The following ABCA10 variants were observed in gnomAD, a reference collection of about 807,000 sequenced individuals.
ABCA10 encodes ATP-binding cassette sub-family A member 10.
A neutral mutation model predicts 187.5 loss-of-function variants in ABCA10; 169 were observed. That is an observed-to-expected ratio of 0.90 (90% CI 0.80 to 1.02). The LOEUF (loss-of-function observed/expected upper bound fraction) is 1.02. ABCA10 is among the 50% of genes least tolerant of loss of function. The pLI is 0.00. For missense variants in ABCA10, 1,727 were observed against 1,812.4 expected (o/e 0.95, Z 0.86); for synonymous variants, 574 against 601.8 (o/e 0.95, Z 0.68).
chr17:69,219,713 T>G lies in ABCA10; in HGVS notation c.362A>C (p.Lys121Thr), dbSNP rs776870907. Residue 121 changes from lysine (K) to threonine (T), a missense_variant, in exon 6 of 39, where the codon AAG becomes ACG. Transcript: ENST00000690296. ...ELTSVIGINM[K>T]IPPFISKGEI... ...TCCCTTAGAAATGAAAGGTGGTATC[T>G]TCATATTTATTCCAATAACTGATGT... 6.2e-7 allele frequency: 1 copy of G among 1,609,728 alleles called. No individual in the cohort carries two copies. Among genetic ancestry groups the G allele is most frequent in the Non-Finnish European group, 8.5e-7 (1 of 1,178,284 alleles).
In ABCA10 at chr17:69,193,321, A is replaced by G; in HGVS notation, c.1642-73T>C. On this transcript the variant is annotated intron_variant, in intron 14 of 38. Transcript: ENST00000690296. ...ATCTTCAGAAAGCACCATGAAAACA[A>G]GTATGATTTCTAGACTCAAATACAG... 7.0e-6 allele frequency: 11 copies of G among 1,569,260 alleles called. No individual in the cohort carries two copies. The South Asian group carries it at 1.3e-4, about 19-fold the overall frequency.
chr17:69,205,790 GA>G (rs1040462089), intron 9 of ABCA10, among the ~76,000 whole-genome samples: 1 of 152,132 alleles, frequency 6.6e-6, no homozygotes, highest in African/African-American at 2.4e-5. Context: ...GGGGCTGGGG[GA>G]ATATTGGAAA....
rs779392624 is a variant in ABCA10 at position 69,153,336 on chromosome 17, C to T, written c.4105G>A (p.Gly1369Arg). 12 of 1,613,132 alleles carry T rather than the reference C, an allele frequency of 7.4e-6. No homozygotes were observed. Among genetic ancestry groups the T allele is most frequent in the Admixed American group, 3.3e-5 (2 of 59,882 alleles). ...SVVLLDEPFT[G>R]MDPEGQQQMW... ...TGCTGCTGCCCCTCGGGGTCCATCC[C>T]GGTGAACGGCTCATCTAGAAGCACC... The change falls in exon 34 of 39, where the codon GGG (glycine) becomes AGG (arginine). Residue 1369 changes from glycine (G) to arginine (R), a missense_variant. Gly to Arg is a moderately radical substitution (Grantham distance 125). Coordinates refer to ENST00000690296, the MANE Select transcript of ABCA10 (RefSeq NM_001377321.1).
intron 9 of ABCA10, among the ~76,000 whole-genome samples, chr17:69,208,476 A>G (rs1165605034): frequency 1.3e-5 from 2 of 151,724 alleles, no homozygotes; most frequent in Non-Finnish European, 2.9e-5. Context: ...TTTACTACAG[A>G]AAACCAAAAA....
intron 10 of ABCA10, 69 bp from the exon 11 acceptor site, chr17:69,197,191 T>C: frequency 8.0e-7 from 1 of 1,243,498 alleles, no homozygotes; most frequent in Non-Finnish European, 1.2e-6. Flanking sequence ...TTACAGTTCA[T>C]AACTAAGCCT....
chr17:69,191,915 A>T (rs2074462941), intron 16 of ABCA10, among the ~76,000 whole-genome samples: 1 of 152,258 alleles, frequency 6.6e-6, no homozygotes, highest in Non-Finnish European at 1.5e-5. Context: ...CTGCCATTCT[A>T]TCAATTAGAT....
At chr17:69,153,662 G>A (rs781021180) in intron 32 of ABCA10, 116 bp from the exon 33 acceptor site, 145 of 1,458,194 alleles carry the variant, frequency 9.9e-5, no homozygotes, top group East Asian at 1.6e-4. Context: ...CTTCCTTAAC[G>A]TTTTCATAAA....
chr17:69,153,321 C>T lies in ABCA10; in HGVS notation c.4120G>A (p.Gly1374Arg), dbSNP rs752343610. 3 of 1,612,356 alleles carry T rather than the reference C, an allele frequency of 1.9e-6. No homozygotes were observed. Among genetic ancestry groups the T allele is most frequent in the Non-Finnish European group, 2.5e-6 (3 of 1,179,224 alleles). ...DEPFTGMDPE[G>R]QQQMWQILQA... ...TCTCCTTACCACATTTGCTGCTGCC[C>T]CTCGGGGTCCATCCCGGTGAACGGC... Residue 1374 changes from glycine to arginine, a missense_variant, in exon 34 of 39, where the codon GGG becomes AGG. Physicochemically the swap from Gly to Arg is moderately radical, Grantham distance 125. Coordinates refer to ENST00000690296, the MANE Select transcript of ABCA10 (RefSeq NM_001377321.1).
chr17:69,217,214 T>A (rs185287053), intron 6 of ABCA10, among the ~76,000 whole-genome samples: 23 of 150,570 alleles, frequency 1.5e-4, no homozygotes, highest in African/African-American at 5.6e-4. Context: ...GCCATTGCAC[T>A]CCAGCCTGGG....
In ABCA10 at chr17:69,234,353, G is replaced by A. The variant is rs73378322; in HGVS notation, c.-592-5493C>T. The stretch of plus-strand genomic sequence containing the variant: ...GCAACTTTCAGATTCATTGTCAGCA[G>A]TCAGAGGAGGCTCTCTGTTGAGGCA... On this transcript the variant is annotated intron_variant, in intron 1 of 39. Coordinates refer to the ABCA10 transcript ENST00000269081. The A allele has an allele frequency of 1.8e-3, 278 of 152,642 alleles. 2 individuals carry two copies. The highest frequency in any genetic ancestry group is 6.4e-3 in the African/African-American group (266 of 41,594). 9.5% of individuals were successfully genotyped at this position (152,642 alleles called of 1,614,324 possible).
intron 6 of ABCA10, 77 bp from the exon 7 acceptor site, chr17:69,216,435 A>T: frequency 6.9e-7 from 1 of 1,444,832 alleles, no homozygotes. Flanking sequence ...AATGGTTAAG[A>T]GTAAAAGCTC....
rs2074786160 is a variant in ABCA10, at chr17:69,225,419, C to A, written c.-61G>T. 9 of 1,566,508 alleles carry A rather than the reference C, an allele frequency of 5.7e-6. No individual in the cohort carries two copies. The highest frequency in any genetic ancestry group is 7.0e-6 in the Non-Finnish European group (8 of 1,139,844). On this transcript the variant is annotated 5_prime_UTR_variant, in exon 3 of 39. Coordinates refer to ENST00000690296, the MANE Select transcript of ABCA10 (RefSeq NM_001377321.1). Reference sequence around the variant, plus strand: ...CCACTACCAGGCCAGAGTCATTAAACTGATCCACGCTTCCCAGGACTTTAG... The same window carrying A: ...CCACTACCAGGCCAGAGTCATTAAAATGATCCACGCTTCCCAGGACTTTAG...
At chr17:69,160,645 A>G (rs2074210280) in intron 27 of ABCA10, among the ~76,000 whole-genome samples, 1 of 152,154 alleles carries the variant, frequency 6.6e-6, no homozygotes, top group African/African-American at 2.4e-5. Context: ...ACTTGAATAA[A>G]TATTTCTCCA....
At chr17:69,211,314 G>GATAT (rs58580286) in intron 9 of ABCA10, among the ~76,000 whole-genome samples, 68 of 30,280 alleles carry the variant, frequency 2.2e-3, no homozygotes, top group East Asian at 6.3e-3. Context: ...TCATATATAT[G>GATAT]ATATATATAT....
intron 11 of ABCA10, chr17:69,196,384 G>A (rs900109136): frequency 6.2e-5 from 11 of 176,700 alleles, no homozygotes; most frequent in East Asian, 3.6e-4. Context: ...GGTCGCGGCC[G>A]GGCAGGGGCG....
chr17:69,150,995 T>C (rs992722139), intron 36 of ABCA10, among the ~76,000 whole-genome samples: 1 of 152,168 alleles, frequency 6.6e-6, no homozygotes, highest in African/African-American at 2.4e-5. Flanking sequence ...CCTATCTCTC[T>C]TGTTGGCCTC....
At chr17:69,220,079 AG>A (rs2074735591) in intron 5 of ABCA10, among the ~76,000 whole-genome samples, 1 of 152,264 alleles carries the variant, frequency 6.6e-6, no homozygotes, top group African/African-American at 2.4e-5. Context: ...AGCAGAAGAA[AG>A]GAGAGATATT....
intron 11 of ABCA10, among the ~76,000 whole-genome samples, chr17:69,195,979 C>T (rs1296435007): frequency 6.6e-6 from 1 of 152,170 alleles, no homozygotes; most frequent in Non-Finnish European, 1.5e-5. Flanking sequence ...GACACAGCAA[C>T]AATCTGATTT....
At chr17:69,190,335 C>A in intron 18 of ABCA10, 23 bp downstream of exon 18, 1 of 1,519,230 alleles carries the variant, frequency 6.6e-7, no homozygotes. Flanking sequence ...TCTTAATTTT[C>A]TGCTAGACAC....
Sources: gnomAD v4.1 joint callset for allele counts (sites outside exome capture counted in the v4.1 genomes callset) on GRCh38, gnomAD v4.1.1 for gene constraint, MANE v1.5 for transcripts, NCBI Gene and HGNC (gene_info 2026-07-23, HGNC 2026-07-21) for gene names.